The following LRRC3B variants were observed in gnomAD, a reference collection of about 807,000 sequenced individuals.
LRRC3B encodes the protein leucine rich repeat containing 3B, also known as leucine-rich repeat-containing protein 3B.
A neutral mutation model predicts 12.8 loss-of-function variants in LRRC3B; 2 were observed. The observed-to-expected ratio is 0.16, with a 90% CI of 0.06 to 0.49. The LOEUF (loss-of-function observed/expected upper bound fraction) is 0.49, where lower values mean the gene tolerates loss of function less well. Ranked by LOEUF, LRRC3B falls within the 20% of genes least tolerant of loss-of-function variation. The pLI, the probability that LRRC3B is intolerant of heterozygous loss-of-function variation, is 0.96. For missense variants in LRRC3B, 189 were observed against 319.4 expected (o/e 0.59, Z 3.11); for synonymous variants, 132 against 122.0 (o/e 1.08, Z -0.54).
chr3:26,707,765 CT>C (rs1469516830), intron 1 of LRRC3B, among the ~76,000 whole-genome samples: 2 of 89,912 alleles, frequency 2.2e-5, no homozygotes, highest in African/African-American at 1.3e-4. Context: ...CCTCTCTTCC[CT>C]TCCACACCTG....
At chr3:26,689,872 G>T (rs1346208408) in intron 1 of LRRC3B, among the ~76,000 whole-genome samples, 1 of 152,200 alleles carries the variant, frequency 6.6e-6, no homozygotes, top group Non-Finnish European at 1.5e-5. Context: ...GTCTTGCTCT[G>T]CTCTGTCCAG....
chr3:26,692,115 C>T (rs1700204788), intron 1 of LRRC3B, among the ~76,000 whole-genome samples: 1 of 152,146 alleles, frequency 6.6e-6, no homozygotes, highest in Admixed American at 6.5e-5. Context: ...AGAGAAATAG[C>T]TAATATTTAT....
intron 1 of LRRC3B, among the ~76,000 whole-genome samples, chr3:26,673,509 A>T (rs915805117): frequency 1.3e-5 from 2 of 152,242 alleles, no homozygotes; most frequent in African/African-American, 4.8e-5. Context: ...AAAATTATGC[A>T]GTGCAATAAG....
At chr3:26,638,772 T>A (rs569734209) in intron 1 of LRRC3B, among the ~76,000 whole-genome samples, 1 of 152,340 alleles carries the variant, frequency 6.6e-6, no homozygotes, top group Non-Finnish European at 1.5e-5. Context: ...AATATTGTCA[T>A]CAGTGTTCAT....
chr3:26,671,957 T>A (rs543506017), intron 1 of LRRC3B, among the ~76,000 whole-genome samples: 1 of 152,156 alleles, frequency 6.6e-6, no homozygotes, highest in African/African-American at 2.4e-5. Context: ...ATTTAGGCGG[T>A]TGAAAATGGA....
intron 1 of LRRC3B, among the ~76,000 whole-genome samples, chr3:26,679,676 TCTC>T (rs1290024478): frequency 6.6e-6 from 1 of 152,184 alleles, no homozygotes; most frequent in Non-Finnish European, 1.5e-5. Flanking sequence ...AGTTATTACT[TCTC>T]CTGACATTAC....
intron 1 of LRRC3B, among the ~76,000 whole-genome samples, chr3:26,675,301 C>T (rs146223752): frequency 1.8e-3 from 268 of 152,284 alleles, no homozygotes; most frequent in African/African-American, 5.3e-3. Flanking sequence ...CAGATGAATT[C>T]GCCACTGACA....
At chr3:26,695,343 C>T (rs1471679926) in intron 1 of LRRC3B, among the ~76,000 whole-genome samples, 4 of 152,038 alleles carry the variant, frequency 2.6e-5, no homozygotes, top group Admixed American at 2.0e-4. Flanking sequence ...CTGGCTAACA[C>T]GGTGAAACCC....
chr3:26,658,083 C>T (rs980759678), intron 1 of LRRC3B, among the ~76,000 whole-genome samples: 1 of 152,088 alleles, frequency 6.6e-6, no homozygotes, highest in Non-Finnish European at 1.5e-5. Context: ...AGCTTTCTTT[C>T]TTTCTTTTTT....
chr3:26,651,445 T>C (rs1699262836), intron 1 of LRRC3B, among the ~76,000 whole-genome samples: 1 of 152,188 alleles, frequency 6.6e-6, no homozygotes, highest in East Asian at 1.9e-4. Context: ...TGTGTACCTG[T>C]GTGTATCTGT....
chr3:26,653,606 C>CT (rs1559356055), intron 1 of LRRC3B, among the ~76,000 whole-genome samples: 1 of 151,974 alleles, frequency 6.6e-6, no homozygotes, highest in Non-Finnish European at 1.5e-5. Context: ...TGACAATGTC[C>CT]TTTAAAAAAC....
rs7622422 is a variant in LRRC3B, at chr3:26,665,545, C to T, written c.-161+42308C>T. 2.4e-3 allele frequency among the ~76,000 whole-genome samples: 361 copies of T among 151,908 alleles called. 1 individual carries two copies. The highest frequency in any genetic ancestry group is 7.6e-3 in the African/African-American group (316 of 41,416). On this transcript the variant is annotated intron_variant, in intron 1 of 1. Coordinates refer to ENST00000396641, the Ensembl canonical transcript of LRRC3B. ...CATCTAATCTGAAAAGCATGGAGTTCGGTATTGACAAGTATAGAAAAGAGA... is the reference window on the plus strand; with the variant it reads ...CATCTAATCTGAAAAGCATGGAGTTTGGTATTGACAAGTATAGAAAAGAGA...
chr3:26,695,772 C>T (rs1700300813), intron 1 of LRRC3B, among the ~76,000 whole-genome samples: 1 of 152,182 alleles, frequency 6.6e-6, no homozygotes, highest in Non-Finnish European at 1.5e-5. Flanking sequence ...AAGTAGGACC[C>T]TGACTTTCTG....
intron 1 of LRRC3B, among the ~76,000 whole-genome samples, chr3:26,681,663 A>G (rs1699973927): frequency 6.6e-6 from 1 of 152,248 alleles, no homozygotes; most frequent in African/African-American, 2.4e-5. Context: ...TAAGGGCCGA[A>G]TAAATGTCAG....
At chr3:26,697,554 C>T (rs1473003985) in intron 1 of LRRC3B, among the ~76,000 whole-genome samples, 1 of 152,118 alleles carries the variant, frequency 6.6e-6, no homozygotes, top group Non-Finnish European at 1.5e-5. Context: ...TCACAGGTTC[C>T]AGAGATCAGG....
intron 1 of LRRC3B, among the ~76,000 whole-genome samples, chr3:26,629,870 G>T (rs1260690660): frequency 2.6e-5 from 4 of 151,684 alleles, no homozygotes; most frequent in Non-Finnish European, 5.9e-5. Context: ...TATGGTGTGT[G>T]GCCAGCCAAG....
At chr3:26,654,135 A>C (rs1291789118) in intron 1 of LRRC3B, among the ~76,000 whole-genome samples, 1 of 152,160 alleles carries the variant, frequency 6.6e-6, no homozygotes, top group African/African-American at 2.4e-5. Flanking sequence ...TCTGTCAGAG[A>C]GTTGGGTGTC....
chr3:26,708,642 T>C (rs1700667625), intron 1 of LRRC3B, among the ~76,000 whole-genome samples: 1 of 152,234 alleles, frequency 6.6e-6, no homozygotes, highest in African/African-American at 2.4e-5. Context: ...CGAGTAAGTT[T>C]CATAACTTTG....
At chr3:26,669,596 T>C (rs1171644379) in intron 1 of LRRC3B, among the ~76,000 whole-genome samples, 1 of 152,212 alleles carries the variant, frequency 6.6e-6, no homozygotes, top group African/African-American at 2.4e-5. Context: ...TTCTTTAAGA[T>C]TTACTCTGTT....
Sources: gnomAD v4.1 joint callset for allele counts (sites outside exome capture counted in the v4.1 genomes callset) on GRCh38, gnomAD v4.1.1 for gene constraint, MANE v1.5 for transcripts, NCBI Gene and HGNC (gene_info 2026-07-23, HGNC 2026-07-21) for gene names.